Variants in NGEF observed in about 807,000 individuals in gnomAD.
NGEF encodes the protein ephexin-1.
NGEF carries 31 observed loss-of-function variants against 80.9 expected under a neutral mutation model. The ratio of observed to expected loss-of-function variants is 0.38; its 90% CI spans 0.29 to 0.52. The LOEUF is 0.52. Among genes scored for constraint, NGEF ranks in the 20% least tolerant of loss-of-function variants. The pLI is 0.84. For missense variants in NGEF, 709 were observed against 926.2 expected (o/e 0.77, Z 3.04); for synonymous variants, 371 against 370.2 (o/e 1.00, Z -0.03).
At chr2:232,974,069 C>A (rs902450122) in intron 2 of NGEF, among the ~76,000 whole-genome samples, 3 of 152,178 alleles carry the variant, frequency 2.0e-5, no homozygotes, top group Non-Finnish European at 4.4e-5. Context: ...AGCACCAACA[C>A]CCCATTTGTA....
chr2:232,884,615 T>C (rs1175360211), intron 10 of NGEF, among the ~76,000 whole-genome samples: 2 of 152,076 alleles, frequency 1.3e-5, no homozygotes, highest in African/African-American at 4.8e-5. Flanking sequence ...GAGGAAAGAA[T>C]GGGACCCGCG....
chr2:232,887,457 C>A (rs955197461), intron 9 of NGEF, among the ~76,000 whole-genome samples: 2 of 147,192 alleles, frequency 1.4e-5, no homozygotes, highest in African/African-American at 5.4e-5. Flanking sequence ...GCCAGTGAAT[C>A]CCCTCACAGA....
intron 5 of NGEF, among the ~76,000 whole-genome samples, chr2:232,905,091 T>C (rs1692463057): frequency 6.6e-6 from 1 of 151,548 alleles, no homozygotes; most frequent in African/African-American, 2.4e-5. Flanking sequence ...CCCTCTCCCC[T>C]CTCTCTCCTC....
chr2:232,990,429 A>G (rs1694627919), intron 1 of NGEF, among the ~76,000 whole-genome samples: 1 of 152,144 alleles, frequency 6.6e-6, no homozygotes, highest in East Asian at 1.9e-4. Flanking sequence ...TTAAAAATAT[A>G]TCAGTTAATA....
rs368530503 is a variant in NGEF at position 232,995,172 on chromosome 2, G to A, written c.-75+17896C>T. On this transcript the variant is annotated intron_variant, in intron 1 of 14. Transcript: ENST00000264051. ...TATGTACAGTATGTATACTGTATAT[G>A]TGTACAGTATGTATGCTGTGTACAG... 2.3e-3 allele frequency among the ~76,000 whole-genome samples: 20 copies of A among 8,724 alleles called. 9 individuals carry two copies. Among genetic ancestry groups the A allele is most frequent in the African/African-American group, 4.7e-3 (20 of 4,256 alleles). 5.7% of individuals were successfully genotyped at this position (8,724 alleles called of 152,430 possible). A position where few individuals can be genotyped will look rare whatever the true frequency, so the allele number is the denominator to read the frequency against.
rs374040164 is a variant in NGEF at position 232,885,088 on chromosome 2, C to T, written c.1437+192G>A. 677 of 592,700 alleles carry T rather than the reference C, an allele frequency of 1.1e-3. 1 individual carries two copies. Among genetic ancestry groups the T allele is most frequent in the African/African-American group, 0.011 (568 of 53,712 alleles). The allele number at this position is 592,700 out of a possible 1,614,324, so 36.7% of individuals were successfully genotyped here. On this transcript the variant is annotated intron_variant, in intron 10 of 14. Coordinates refer to ENST00000264051, the MANE Select transcript of NGEF (RefSeq NM_019850.3). Reference sequence around the variant, plus strand: ...CTCCCAGGAGACAGATCCGGACCACCGTGGTGGTGTCTGACGCCTGGTGGC... The same window carrying T: ...CTCCCAGGAGACAGATCCGGACCACTGTGGTGGTGTCTGACGCCTGGTGGC...
At chr2:232,943,656 C>T (rs1327745100) in intron 3 of NGEF, among the ~76,000 whole-genome samples, 3 of 151,510 alleles carry the variant, frequency 2.0e-5, no homozygotes, top group Non-Finnish European at 4.4e-5. Context: ...CCACTAGACC[C>T]GACTAATTTT....
intron 1 of NGEF, among the ~76,000 whole-genome samples, chr2:232,994,900 C>G (rs1215191688): frequency 6.7e-6 from 1 of 148,462 alleles, no homozygotes. Context: ...GCATATAATA[C>G]ATACATACAC....
At chr2:232,881,304 A>C in intron 13 of NGEF, 54 bp from the exon 14 acceptor site, 1 of 1,404,080 alleles carries the variant, frequency 7.1e-7, no homozygotes, top group Non-Finnish European at 1.0e-6. Context: ...CCACCTGCAC[A>C]CTCCCACCAA....
In NGEF at chr2:233,013,247, G is replaced by A. The variant is rs1423908216; in HGVS notation, c.-254C>T. On this transcript the variant is annotated 5_prime_UTR_variant, in exon 1 of 15. Transcript: ENST00000264051. Reference sequence around the variant, plus strand: ...CGTCCTGTCCTGGAAAAGCTTCACTGGTAAGCATTCCCGACCTTTAGACCT... The same window carrying A: ...CGTCCTGTCCTGGAAAAGCTTCACTAGTAAGCATTCCCGACCTTTAGACCT... 6.4e-6 allele frequency: 3 copies of A among 471,064 alleles called. No homozygotes were observed. Among genetic ancestry groups the A allele is most frequent in the Non-Finnish European group, 1.3e-5 (3 of 227,062 alleles). 29.2% of individuals were successfully genotyped at this position (471,064 alleles called of 1,614,324 possible). A position where few individuals can be genotyped will look rare whatever the true frequency, so the allele number is the denominator to read the frequency against.
At chr2:232,909,363 T>C (rs1692644764) in intron 5 of NGEF, among the ~76,000 whole-genome samples, 1 of 152,216 alleles carries the variant, frequency 6.6e-6, no homozygotes, top group African/African-American at 2.4e-5. Context: ...ATCTTTGCAT[T>C]AATTCATCCT....
intron 4 of NGEF, among the ~76,000 whole-genome samples, chr2:232,921,793 C>G (rs867045503): frequency 5.1e-4 from 77 of 152,280 alleles, no homozygotes; most frequent in African/African-American, 1.7e-3. Flanking sequence ...CTGCATTTGA[C>G]AAGCATAGAC....
Position 232,879,239 on chromosome 2 carries a change from G to C in NGEF, c.*250C>G. 1 of 461,048 alleles carries C rather than the reference G, an allele frequency of 2.2e-6. No individual in the cohort carries two copies. The highest frequency in any genetic ancestry group is 3.5e-5 in the Admixed American group (1 of 28,562). The allele number at this position is 461,048 out of a possible 1,614,324, so 28.6% of individuals were successfully genotyped here. A position where few individuals can be genotyped will look rare whatever the true frequency, so the allele number is the denominator to read the frequency against. ...CCCCCTCGGAGGCATGAGGGAGGTGGTGTAATACTGCTGAAACCTTCTTGT... is the reference window on the plus strand; with the variant it reads ...CCCCCTCGGAGGCATGAGGGAGGTGCTGTAATACTGCTGAAACCTTCTTGT... On this transcript the variant is annotated 3_prime_UTR_variant, in exon 15 of 15. Coordinates refer to ENST00000264051, the MANE Select transcript of NGEF (RefSeq NM_019850.3).
At chr2:232,975,137 T>A (rs1207433416) in intron 1 of NGEF, among the ~76,000 whole-genome samples, 173 bp from the exon 2 acceptor site, 1 of 152,230 alleles carries the variant, frequency 6.6e-6, no homozygotes, top group East Asian at 1.9e-4. Context: ...TTTGGAGGCA[T>A]TCACGTATCA....
At chr2:232,982,051 G>A in intron 1 of NGEF, among the ~76,000 whole-genome samples, 1 of 152,316 alleles carries the variant, frequency 6.6e-6, no homozygotes, top group Admixed American at 6.5e-5. Flanking sequence ...CACAGGGGAG[G>A]CCACAGCCCT....
chr2:232,946,297 G>A (rs188220501), intron 3 of NGEF, among the ~76,000 whole-genome samples: 1 of 151,956 alleles, frequency 6.6e-6, no homozygotes, highest in African/African-American at 2.4e-5. Context: ...GGTTGGGAAG[G>A]GGGTGAGGGA....
chr2:232,972,769 T>A (rs946039931), intron 2 of NGEF, among the ~76,000 whole-genome samples: 3 of 108,986 alleles, frequency 2.8e-5, no homozygotes, highest in African/African-American at 1.1e-4. Flanking sequence ...TTTTTTTTTT[T>A]TTTTTGAGAT....
chr2:232,984,322 C>T (rs1162081729), intron 1 of NGEF, among the ~76,000 whole-genome samples: 1 of 151,276 alleles, frequency 6.6e-6, no homozygotes, highest in Non-Finnish European at 1.5e-5. Flanking sequence ...GAACTCCTGG[C>T]CTTAAGCAAT....
chr2:232,880,279 C>A (rs1691451586), intron 14 of NGEF, among the ~76,000 whole-genome samples: 1 of 152,244 alleles, frequency 6.6e-6, no homozygotes, highest in Non-Finnish European at 1.5e-5. Context: ...CCTCTCCCCT[C>A]CCCTAGAGAT....
Sources: allele counts gnomAD v4.1 joint callset (sites outside exome capture counted in the v4.1 genomes callset), GRCh38; gene constraint gnomAD v4.1.1; transcripts MANE v1.5; gene names NCBI Gene and HGNC (gene_info 2026-07-23, HGNC 2026-07-21).